Variants in BPI observed in about 807,000 individuals in gnomAD.
BPI encodes bactericidal permeability-increasing protein.
A neutral mutation model predicts 57.6 loss-of-function variants in BPI; 48 were observed. The ratio of observed to expected loss-of-function variants is 0.83; its 90% CI spans 0.66 to 1.06. BPI has a LOEUF of 1.06. BPI is among the 50% of genes least tolerant of loss of function. The probability of loss-of-function intolerance (pLI) is 0.00; values close to 1 mark genes in which losing one functional copy is unlikely to be tolerated. For missense variants in BPI, 651 were observed against 609.7 expected, an observed-to-expected ratio of 1.07 and a Z score of -0.71; for synonymous variants, 237 against 238.2, an observed-to-expected ratio of 0.99 and a Z score of 0.05.
At chr20:38,309,993 G>T (rs1365375496) in intron 3 of BPI, among the ~76,000 whole-genome samples, 1 of 152,138 alleles carries the variant, frequency 6.6e-6, no homozygotes, top group Non-Finnish European at 1.5e-5. Context: ...TTCCCTTAAT[G>T]ATCACACACA....
chr20:38,320,351 A>T, intron 7 of BPI, 77 bp downstream of exon 7: 3 of 1,324,710 alleles, frequency 2.3e-6, no homozygotes, highest in Non-Finnish European at 3.2e-6. Context: ...CCTTGGAAAC[A>T]AACTTAACAA....
chr20:38,319,422 G>A lies in BPI; in HGVS notation c.665-761G>A, dbSNP rs751061765. On this transcript the variant is annotated intron_variant, in intron 6 of 14. Coordinates refer to ENST00000642449, the MANE Select transcript of BPI (RefSeq NM_001725.3). ...CAGGACTACCTTGCTGTAAAGCCTG[G>A]CATGGTTGGCACATAGTATATGCCC... Among the ~76,000 whole-genome samples, 7 of 152,218 alleles carry A rather than the reference G, an allele frequency of 4.6e-5. No individual in the cohort carries two copies. In the South Asian group the frequency reaches 1.0e-3, roughly 23 times the overall value.
chr20:38,319,856 CA>C, intron 6 of BPI: 1 of 195,330 alleles, frequency 5.1e-6, no homozygotes, highest in Non-Finnish European at 8.5e-6. Context: ...CTACAAATGA[CA>C]AAAAGTGCTC....
At chr20:38,322,663 T>C (rs2076692387) in intron 7 of BPI, among the ~76,000 whole-genome samples, 1 of 152,190 alleles carries the variant, frequency 6.6e-6, no homozygotes, top group African/African-American at 2.4e-5. Context: ...CAGGCTGGAG[T>C]GCAATGGCGC....
At position 38,326,410 on chromosome 20, in the gene BPI, C is replaced by T. The variant is rs758975496; in HGVS notation, c.1139C>T (p.Ala380Val). The T allele has an allele frequency of 5.0e-6, 8 of 1,613,836 alleles. 1 individual carries two copies. In the South Asian group the frequency reaches 8.8e-5, roughly 18 times the overall value. ...AFAVLPNSSLASLFLIGMHTT... is the reference protein window; with the variant it reads ...AFAVLPNSSLVSLFLIGMHTT... ...GCCGTCCTCCCCAACTCCTCCCTGG[C>T]TTCCCTCTTCCTGATTGGCATGGTA... The change falls in exon 10 of 15, where the codon GCT (alanine) becomes GTT (valine). Residue 380 changes from alanine to valine, a missense_variant. Coordinates refer to ENST00000642449, the MANE Select transcript of BPI (RefSeq NM_001725.3).
rs368542907 is a variant in BPI at position 38,318,609 on chromosome 20, C to G, written c.664+133C>G. On this transcript the variant is annotated intron_variant, in intron 6 of 14. Coordinates refer to ENST00000642449, the MANE Select transcript of BPI (RefSeq NM_001725.3). ...CTGGGTGGGAATGAGCAGAGTAGTACATTATTTTCAAGAGGCAGCTAGCAT... is the reference window on the plus strand; with the variant it reads ...CTGGGTGGGAATGAGCAGAGTAGTAGATTATTTTCAAGAGGCAGCTAGCAT... The G allele has an allele frequency of 2.5e-5, 24 of 946,444 alleles. No homozygotes were observed. In the African/African-American group the frequency reaches 3.6e-4, roughly 14 times the overall value. The allele number at this position is 946,444 out of a possible 1,614,324, so 58.6% of individuals were successfully genotyped here. A position where few individuals can be genotyped will look rare whatever the true frequency, so the allele number is the denominator to read the frequency against.
intron 1 of BPI, among the ~76,000 whole-genome samples, chr20:38,306,219 G>C (rs1015418064): frequency 6.6e-6 from 1 of 152,108 alleles, no homozygotes; most frequent in Admixed American, 6.5e-5. Flanking sequence ...TTTTAGTAGA[G>C]ACGGGGTTTC....
At chr20:38,320,368 C>G in intron 7 of BPI, 94 bp downstream of exon 7, 1 of 1,147,888 alleles carries the variant, frequency 8.7e-7, no homozygotes. Context: ...ACAATGTCCC[C>G]TACTTCCTAT....
In BPI at chr20:38,337,182, T is replaced by G. The variant is rs768085073; in HGVS notation, c.1450T>G (p.Ter484GlyextTer47). The G allele has an allele frequency of 3.8e-6, 6 of 1,590,156 alleles. No individual in the cohort carries two copies. The South Asian group carries it at 5.7e-5, about 15-fold the overall frequency. Reference sequence around the variant, plus strand: ...GTTCGGTGCAGACGTTGTCTATAAATGAAGGCACCAGGGGTGCCGGGGGCT... The same window carrying G: ...GTTCGGTGCAGACGTTGTCTATAAAGGAAGGCACCAGGGGTGCCGGGGGCT... The part of the protein sequence containing the change: ...LLFGADVVYK[*>G] Residue 484 changes from the stop codon to glycine (G), a stop_lost, in exon 15 of 15, where the codon TGA becomes GGA. Transcript: ENST00000642449.
Position 38,306,526 on chromosome 20 carries a change from G to A in BPI, c.131-1041G>A, listed in dbSNP as rs150831983. On this transcript the variant is annotated intron_variant, in intron 1 of 14. Transcript: ENST00000642449. ...AGGGGCTCCGAAAGAGCAGTCCACA[G>A]CATCATGAGAATAACACAGGGCGTT... 1.1e-4 allele frequency among the ~76,000 whole-genome samples: 17 copies of A among 152,332 alleles called. No homozygotes were observed. In the East Asian group the frequency reaches 2.9e-3, roughly 26 times the overall value.
chr20:38,310,621 G>A lies in BPI; in HGVS notation c.505G>A (p.Val169Ile). Residue 169 changes from valine (V) to isoleucine (I), a missense_variant, in exon 4 of 15, where the codon GTC becomes ATC. Transcript: ENST00000642449. ...CSSCSSHINS[V>I]HVHISKSKVG... ...CAGCTGCAGCAGCCACATCAACAGTGTCCACGTGCACATCTCAAAGAGCAA... is the reference window on the plus strand; with the variant it reads ...CAGCTGCAGCAGCCACATCAACAGTATCCACGTGCACATCTCAAAGAGCAA... The A allele has an allele frequency of 6.2e-7, 1 of 1,613,918 alleles. No homozygotes were observed. The highest frequency in any genetic ancestry group is 8.5e-7 in the Non-Finnish European group (1 of 1,179,886).
At chr20:38,319,741 A>G (rs1600705342) in intron 6 of BPI, 1 of 159,282 alleles carries the variant, frequency 6.3e-6, no homozygotes, top group African/African-American at 2.4e-5. Flanking sequence ...GATCCTAACA[A>G]TGATCCTCTC....
chr20:38,325,399 G>A (rs2076707472), intron 9 of BPI, among the ~76,000 whole-genome samples: 1 of 152,212 alleles, frequency 6.6e-6, no homozygotes, highest in African/African-American at 2.4e-5. Context: ...GGTGTCAGCA[G>A]ATTTGGTTTC....
At chr20:38,312,503 TC>T (rs2076626675) in intron 5 of BPI, among the ~76,000 whole-genome samples, 2 of 152,240 alleles carry the variant, frequency 1.3e-5, no homozygotes. Context: ...TGGCTGGTTT[TC>T]CATTAACAAA....
At chr20:38,305,955 T>A (rs1330363481) in intron 1 of BPI, among the ~76,000 whole-genome samples, 2 of 152,224 alleles carry the variant, frequency 1.3e-5, no homozygotes, top group Non-Finnish European at 2.9e-5. Flanking sequence ...TTTAATTGGT[T>A]CTTTGATGCT....
intron 4 of BPI, 42 bp from the exon 5 acceptor site, chr20:38,311,832 A>T (rs1464864326): frequency 1.3e-6 from 2 of 1,597,386 alleles, no homozygotes; most frequent in Non-Finnish European, 1.7e-6. Context: ...GCCCAGGGAC[A>T]ATCAAAAAGC....
Position 38,337,229 on chromosome 20 carries a change from T to C in BPI, c.*45T>C. 1 of 1,519,748 alleles carries C rather than the reference T, an allele frequency of 6.6e-7. No homozygotes were observed. Among genetic ancestry groups the C allele is most frequent in the Non-Finnish European group, 8.9e-7 (1 of 1,124,304 alleles). 94.1% of individuals were successfully genotyped at this position (1,519,748 alleles called of 1,614,324 possible). ...GGCTGTCAGCCACACCTGTTCCTGA[T>C]GGGCTGTGGGGCACCGGCTGCCTTT... is the stretch of plus-strand genomic sequence containing the variant. On this transcript the variant is annotated 3_prime_UTR_variant, in exon 15 of 15. Transcript: ENST00000642449.
At position 38,323,993 on chromosome 20, in the gene BPI, G is replaced by A. The variant is rs755722252; in HGVS notation, c.880G>A (p.Gly294Arg). The change falls in exon 8 of 15, where the codon GGG (glycine) becomes AGG (arginine). Residue 294 changes from glycine (G) to arginine (R), a missense_variant. Physicochemically the swap from Gly to Arg is moderately radical, Grantham distance 125. Transcript: ENST00000642449. ...GLSDYFFNTA[G>R]LVYQEAGVLK... ...CTCAGACTACTTCTTCAACACAGCC[G>A]GGCTTGTATACCAAGAGGCTGGGGT... The A allele has an allele frequency of 9.3e-6, 15 of 1,614,008 alleles. No homozygotes were observed. The highest frequency in any genetic ancestry group is 6.6e-5 in the South Asian group (6 of 91,086).
intron 11 of BPI, among the ~76,000 whole-genome samples, chr20:38,329,344 A>G (rs918944939): frequency 2.0e-5 from 3 of 152,180 alleles, no homozygotes; most frequent in African/African-American, 7.2e-5. Flanking sequence ...ATCCCTGCCC[A>G]GTCCCGCCCT....
Sources: gnomAD v4.1 joint callset for allele counts (sites outside exome capture counted in the v4.1 genomes callset) on GRCh38, gnomAD v4.1.1 for gene constraint, MANE v1.5 for transcripts, NCBI Gene and HGNC (gene_info 2026-07-23, HGNC 2026-07-21) for gene names.